The following TPH2 variants were observed in gnomAD, a reference collection of about 807,000 sequenced individuals.
TPH2 encodes the protein tryptophan 5-hydroxylase 2.
Under a neutral mutation model 59.1 loss-of-function variants are expected in TPH2, and 27 were observed. The ratio of observed to expected loss-of-function variants is 0.46; its 90% CI spans 0.34 to 0.63. TPH2 has a LOEUF of 0.63. TPH2 is among the 30% of genes least tolerant of loss of function. TPH2 has a pLI of 0.01. For synonymous variants in TPH2, 220 were observed against 210.5 expected (o/e 1.05, Z -0.39); for missense variants, 523 against 588.3 (o/e 0.89, Z 1.15).
intron 5 of TPH2, chr12:71,962,117 C>T: frequency 1.0e-6 from 1 of 991,790 alleles, no homozygotes; most frequent in African/African-American, 1.7e-5. Context: ...TATGGCGTGG[C>T]TTAGCAGTCG....
intron 8 of TPH2, among the ~76,000 whole-genome samples, chr12:72,016,688 T>C (rs1372340357): frequency 6.6e-6 from 1 of 152,176 alleles, no homozygotes; most frequent in Non-Finnish European, 1.5e-5. Context: ...TTAAAATATA[T>C]GCTACCAATA....
intron 4 of TPH2, among the ~76,000 whole-genome samples, chr12:71,945,102 T>C (rs1871165832): frequency 1.3e-5 from 2 of 152,168 alleles, no homozygotes; most frequent in South Asian, 4.1e-4. Context: ...TTTCCTTGAC[T>C]GGAGGTAGTT....
chr12:71,966,646 C>T (rs1490623945), intron 5 of TPH2, among the ~76,000 whole-genome samples: 1 of 152,172 alleles, frequency 6.6e-6, no homozygotes, highest in African/African-American at 2.4e-5. Flanking sequence ...ATCAGATTCA[C>T]CCATTCCCTT....
intron 5 of TPH2, among the ~76,000 whole-genome samples, chr12:71,970,758 C>T (rs1215027838): frequency 3.3e-5 from 5 of 152,218 alleles, no homozygotes; most frequent in Admixed American, 6.5e-5. Flanking sequence ...TTGATCTTCC[C>T]AGCAAATATT....
At position 72,032,108 on chromosome 12, in the gene TPH2, C is replaced by G. The variant is rs1465161023; in HGVS notation, c.*413C>G. 3 of 224,430 alleles carry G rather than the reference C, an allele frequency of 1.3e-5. No individual in the cohort carries two copies. In the Admixed American group the frequency reaches 1.6e-4, roughly 12 times the overall value. The allele number at this position is 224,430 out of a possible 1,614,324, so 13.9% of individuals were successfully genotyped here. A position where few individuals can be genotyped will look rare whatever the true frequency, so the allele number is the denominator to read the frequency against. ...AAGCTGTTTCCATTTTCAATAGTAT[C>G]AGTGTTTTCACGCATTATTTGAGAT... On this transcript the variant is annotated 3_prime_UTR_variant, in exon 11 of 11. Transcript: ENST00000333850.
chr12:71,962,476 T>A (rs1016752996), intron 5 of TPH2: 5 of 985,158 alleles, frequency 5.1e-6, no homozygotes, highest in Non-Finnish European at 6.0e-6. Context: ...GAAAACTGAA[T>A]TGAGAAAATT....
chr12:71,961,555 G>A (rs753814393), intron 5 of TPH2: 191 of 1,351,848 alleles, frequency 1.4e-4, no homozygotes, highest in Non-Finnish European at 1.8e-4. Flanking sequence ...CATTCTAGTG[G>A]CCCAAGACTG....
At position 71,980,670 on chromosome 12, in the gene TPH2, G is replaced by A. The variant is rs139189608; in HGVS notation, c.941+1583G>A. Among the ~76,000 whole-genome samples the A allele has an allele frequency of 2.5e-4, 38 of 152,192 alleles. No individual in the cohort carries two copies. In the East Asian group the frequency reaches 6.8e-3, roughly 27 times the overall value. Reference sequence around the variant, plus strand: ...GGCAATCTCTAAATCTAGCCCAGAGGGTTTACCAATGGCCTTGTTTACAAA... The same window carrying A: ...GGCAATCTCTAAATCTAGCCCAGAGAGTTTACCAATGGCCTTGTTTACAAA... On this transcript the variant is annotated intron_variant, in intron 7 of 10. Coordinates refer to ENST00000333850, the MANE Select transcript of TPH2 (RefSeq NM_173353.4).
At chr12:72,020,384 A>G (rs1437821289) in intron 8 of TPH2, among the ~76,000 whole-genome samples, 3 of 152,238 alleles carry the variant, frequency 2.0e-5, no homozygotes, top group Non-Finnish European at 4.4e-5. Flanking sequence ...ATTGCAGTCT[A>G]TGTAAAGAAG....
chr12:71,969,284 A>C (rs1363856720), intron 5 of TPH2, among the ~76,000 whole-genome samples: 2 of 152,198 alleles, frequency 1.3e-5, no homozygotes, highest in African/African-American at 4.8e-5. Flanking sequence ...CTCCATCTCA[A>C]AAAAGAAAGA....
At chr12:71,995,413 T>C (rs937597353) in intron 8 of TPH2, among the ~76,000 whole-genome samples, 1 of 152,156 alleles carries the variant, frequency 6.6e-6, no homozygotes, top group African/African-American at 2.4e-5. Context: ...CGATCTTAAA[T>C]TGTATGTATT....
At position 72,004,526 on chromosome 12, in the gene TPH2, C is replaced by A. The variant is rs549289267; in HGVS notation, c.1068+9961C>A. Among the ~76,000 whole-genome samples, 2 of 138,938 alleles carry A rather than the reference C, an allele frequency of 1.4e-5. 1 individual carries two copies. The highest frequency in any genetic ancestry group is 6.0e-4 in the South Asian group (2 of 3,346). 91.1% of individuals were successfully genotyped at this position (138,938 alleles called of 152,430 possible). The stretch of plus-strand genomic sequence containing the variant: ...CCATAATTCAAAAGTCCTGATATTG[C>A]GGACTTCTTACTTTTTCTTCTCAAA... On this transcript the variant is annotated intron_variant, in intron 8 of 10. Transcript: ENST00000333850.
At chr12:72,025,255 G>GT (rs936532265) in intron 9 of TPH2, among the ~76,000 whole-genome samples, 1 of 152,138 alleles carries the variant, frequency 6.6e-6, no homozygotes, top group African/African-American at 2.4e-5. Context: ...CAGCCCAAAT[G>GT]TAAGTCCCAG....
At position 72,030,392 on chromosome 12, in the gene TPH2, A is replaced by G. The variant is rs541337865; in HGVS notation, c.1165-866A>G. The stretch of plus-strand genomic sequence containing the variant: ...CCTCAGTGATTCTTATGCACATTGC[A>G]TTTTTAGAACCATCAATCTAGGGTC... On this transcript the variant is annotated intron_variant, in intron 9 of 10. Coordinates refer to ENST00000333850, the MANE Select transcript of TPH2 (RefSeq NM_173353.4). Among the ~76,000 whole-genome samples, 5 of 152,236 alleles carry G rather than the reference A, an allele frequency of 3.3e-5. No homozygotes were observed. The South Asian group carries it at 8.3e-4, about 25-fold the overall frequency.
chr12:71,941,720 T>A lies in TPH2; in HGVS notation c.242T>A (p.Leu81Gln), dbSNP rs747112638. ...KNEVGGLVKA[L>Q]RLFQEKRVNM... is the part of the protein sequence containing the mutation. Reference sequence around the variant, plus strand: ...GAAGTTGGTGGATTGGTAAAAGCACTGAGGCTCTTTCAGGTGAATGTGAAA... The same window carrying A: ...GAAGTTGGTGGATTGGTAAAAGCACAGAGGCTCTTTCAGGTGAATGTGAAA... Residue 81 changes from leucine (L) to glutamine (Q), a missense_variant, in exon 2 of 11, where the codon CTG (leucine) becomes CAG (glutamine). Leu to Gln is a moderately radical substitution (Grantham distance 113). Coordinates refer to ENST00000333850, the MANE Select transcript of TPH2 (RefSeq NM_173353.4). The A allele has an allele frequency of 1.2e-6, 2 of 1,614,042 alleles. No individual in the cohort carries two copies. Among genetic ancestry groups the A allele is most frequent in the African/African-American group, 1.3e-5 (1 of 75,044 alleles).
chr12:72,007,317 T>A (rs2139232644), intron 8 of TPH2, among the ~76,000 whole-genome samples: 1 of 152,238 alleles, frequency 6.6e-6, no homozygotes. Context: ...AAAATATTGT[T>A]TGTGCCAGTG....
chr12:71,988,569 C>T (rs1047351547), intron 7 of TPH2, among the ~76,000 whole-genome samples: 1 of 152,086 alleles, frequency 6.6e-6, no homozygotes, highest in Non-Finnish European at 1.5e-5. Flanking sequence ...CTCACTATCC[C>T]GAGGACAGCA....
At position 71,989,514 on chromosome 12, in the gene TPH2, T is replaced by C. The variant is rs1041752983; in HGVS notation, c.942-4925T>C. Among the ~76,000 whole-genome samples the C allele has an allele frequency of 5.3e-5, 8 of 152,332 alleles. No individual in the cohort carries two copies. In the South Asian group the frequency reaches 1.5e-3, roughly 28 times the overall value. On this transcript the variant is annotated intron_variant, in intron 7 of 10. Coordinates refer to ENST00000333850, the MANE Select transcript of TPH2 (RefSeq NM_173353.4). The stretch of plus-strand genomic sequence containing the variant: ...ATCTCCCTTTCCTTCTCTTCGTGAT[T>C]TAGCTAAAGTGTTGGCTTCTGTGTC...
chr12:71,943,945 T>C (rs1320425181), intron 2 of TPH2, among the ~76,000 whole-genome samples: 1 of 152,140 alleles, frequency 6.6e-6, no homozygotes, highest in Non-Finnish European at 1.5e-5. Flanking sequence ...TATTACATGA[T>C]AATATAATAA....
Sources: allele counts gnomAD v4.1 joint callset (sites outside exome capture counted in the v4.1 genomes callset), GRCh38; gene constraint gnomAD v4.1.1; transcripts MANE v1.5; gene names NCBI Gene and HGNC (gene_info 2026-07-23, HGNC 2026-07-21).